Variants in CNTN3 observed in about 807,000 individuals in gnomAD.
CNTN3 encodes contactin-3.
Under a neutral mutation model 119.1 loss-of-function variants are expected in CNTN3, and 60 were observed. That is an observed-to-expected ratio of 0.50 (90% CI 0.41 to 0.62). CNTN3 has a LOEUF of 0.62. Among genes scored for constraint, CNTN3 ranks in the 20% least tolerant of loss-of-function variants. The probability of loss-of-function intolerance (pLI) is 0.00; values close to 1 mark genes in which losing one functional copy is unlikely to be tolerated. For missense variants in CNTN3, 1,101 were observed against 1,242.4 expected, an observed-to-expected ratio of 0.89 and a Z score of 1.71; for synonymous variants, 450 against 438.7, an observed-to-expected ratio of 1.03 and a Z score of -0.32.
intron 1 of CNTN3, among the ~76,000 whole-genome samples, chr3:74,532,812 G>A (rs758102168): frequency 6.6e-6 from 1 of 151,970 alleles, no homozygotes; most frequent in Non-Finnish European, 1.5e-5. Context: ...TGATACCTTA[G>A]ATAAGGGGGG....
chr3:74,606,699 G>C (rs1704998397), intron 1 of CNTN3, among the ~76,000 whole-genome samples: 1 of 151,964 alleles, frequency 6.6e-6, no homozygotes, highest in South Asian at 2.1e-4. Flanking sequence ...AGATTAAAAA[G>C]GATATTGACT....
chr3:74,319,781 A>C (rs1320692943), intron 13 of CNTN3, among the ~76,000 whole-genome samples: 1 of 151,802 alleles, frequency 6.6e-6, no homozygotes, highest in Non-Finnish European at 1.5e-5. Context: ...ACAAAGGGCT[A>C]ATATCCAGAA....
chr3:74,614,291 G>A (rs760831674), intron 1 of CNTN3, among the ~76,000 whole-genome samples, 100 bp downstream of exon 1: 2 of 152,094 alleles, frequency 1.3e-5, no homozygotes, highest in Non-Finnish European at 2.9e-5. Context: ...AACAAACTTC[G>A]GGGCTGAGGA....
At chr3:74,584,597 G>A (rs1051909362) in intron 1 of CNTN3, among the ~76,000 whole-genome samples, 1 of 152,048 alleles carries the variant, frequency 6.6e-6, no homozygotes, top group Non-Finnish European at 1.5e-5. Context: ...CTGCAGATCC[G>A]TGAGCCAAAT....
intron 11 of CNTN3, among the ~76,000 whole-genome samples, chr3:74,347,974 G>T (rs1703731807): frequency 6.6e-6 from 1 of 152,200 alleles, no homozygotes; most frequent in Non-Finnish European, 1.5e-5. Context: ...TCACTTATAT[G>T]TGGAATGTTT....
rs140528609 is a variant in CNTN3 at position 74,424,913 on chromosome 3, C to A, written c.386G>T (p.Arg129Met). The A allele has an allele frequency of 1.9e-6, 3 of 1,609,192 alleles. No individual in the cohort carries two copies. The highest frequency in any genetic ancestry group is 2.5e-6 in the Non-Finnish European group (3 of 1,178,344). The change falls in exon 5 of 23, where the codon AGG becomes ATG. Residue 129 changes from arginine (R) to methionine (M), a missense_variant. By Grantham distance (91) the Arg-to-Met change is moderately conservative. Coordinates refer to ENST00000263665, the MANE Select transcript of CNTN3 (RefSeq NM_020872.3). ...AYLENFKTKM[R>M]STVSVREGQG... is the part of the protein sequence containing the mutation. ...GCCTTCACGCACAGACACTGTACTCCTCATTTTGGTTTTAAAATTTTCAAG... is the reference window on the plus strand; with the variant it reads ...GCCTTCACGCACAGACACTGTACTCATCATTTTGGTTTTAAAATTTTCAAG...
intron 1 of CNTN3, among the ~76,000 whole-genome samples, chr3:74,587,288 T>G (rs1333577914): frequency 6.6e-6 from 1 of 152,052 alleles, no homozygotes; most frequent in Non-Finnish European, 1.5e-5. Flanking sequence ...ATTCAGACAC[T>G]AGATAGAACT....
At chr3:74,396,817 G>C (rs1027955874) in intron 5 of CNTN3, among the ~76,000 whole-genome samples, 1 of 151,476 alleles carries the variant, frequency 6.6e-6, no homozygotes, top group Admixed American at 6.6e-5. Flanking sequence ...GCTAGCAGAG[G>C]TTTATGAGGT....
chr3:74,556,220 T>A (rs1004678739), intron 1 of CNTN3, among the ~76,000 whole-genome samples: 4 of 152,200 alleles, frequency 2.6e-5, no homozygotes, highest in African/African-American at 7.2e-5. Flanking sequence ...TGTTCAGAGT[T>A]GTGTCACCAT....
chr3:74,350,093 T>C (rs894899254), intron 11 of CNTN3, among the ~76,000 whole-genome samples: 1 of 152,204 alleles, frequency 6.6e-6, no homozygotes, highest in African/African-American at 2.4e-5. Flanking sequence ...TTAGTTGATA[T>C]GATTTTAGAG....
intron 8 of CNTN3, among the ~76,000 whole-genome samples, chr3:74,366,377 T>C (rs1704186336): frequency 6.6e-6 from 1 of 152,088 alleles, no homozygotes; most frequent in Non-Finnish European, 1.5e-5. Context: ...TTTATCATTT[T>C]CAACTTATGC....
intron 13 of CNTN3, among the ~76,000 whole-genome samples, chr3:74,332,110 T>G (rs962121674): frequency 6.6e-6 from 1 of 152,216 alleles, no homozygotes; most frequent in Non-Finnish European, 1.5e-5. Context: ...ACTTTCCCAC[T>G]TATCAGCCTC....
chr3:74,292,745 C>T (rs1458551858), intron 19 of CNTN3, among the ~76,000 whole-genome samples: 3 of 152,152 alleles, frequency 2.0e-5, no homozygotes, highest in African/African-American at 7.2e-5. Flanking sequence ...ACACAGCTGG[C>T]AAGTGGTAGA....
intron 1 of CNTN3, among the ~76,000 whole-genome samples, chr3:74,609,408 G>T (rs1438306536): frequency 2.6e-5 from 4 of 152,188 alleles, no homozygotes; most frequent in Non-Finnish European, 5.9e-5. Context: ...TTGCTTGAAT[G>T]AATGTTCTTG....
intron 13 of CNTN3, among the ~76,000 whole-genome samples, chr3:74,320,110 C>T (rs1271755207): frequency 7.9e-5 from 12 of 152,254 alleles, no homozygotes; most frequent in African/African-American, 2.2e-4. Context: ...GTCAGTGTGG[C>T]GATTCCTCAG....
chr3:74,401,819 C>T (rs989470308), intron 5 of CNTN3, among the ~76,000 whole-genome samples: 1 of 152,160 alleles, frequency 6.6e-6, no homozygotes, highest in Non-Finnish European at 1.5e-5. Flanking sequence ...CTACTCAGTG[C>T]ATCATTTTTC....
chr3:74,483,219 G>C (rs1254539344), intron 4 of CNTN3, among the ~76,000 whole-genome samples: 1 of 151,980 alleles, frequency 6.6e-6, no homozygotes, highest in Admixed American at 6.6e-5. Context: ...GGACAGACTG[G>C]GGGGAAACCT....
chr3:74,339,184 G>A (rs1017873778), intron 11 of CNTN3, among the ~76,000 whole-genome samples: 3 of 152,058 alleles, frequency 2.0e-5, no homozygotes, highest in Non-Finnish European at 2.9e-5. Context: ...ATCTGATCAC[G>A]TGATCCTGCC....
intron 11 of CNTN3, among the ~76,000 whole-genome samples, chr3:74,350,467 T>C (rs1458486014): frequency 1.3e-5 from 2 of 152,148 alleles, no homozygotes; most frequent in African/African-American, 2.4e-5. Flanking sequence ...CATATACTGC[T>C]AGTGGGAATG....
Sources: gnomAD v4.1 joint callset for allele counts (sites outside exome capture counted in the v4.1 genomes callset) on GRCh38, gnomAD v4.1.1 for gene constraint, MANE v1.5 for transcripts, NCBI Gene and HGNC (gene_info 2026-07-23, HGNC 2026-07-21) for gene names.